NUMA1: variants seen among roughly 807,000 people sequenced by gnomAD.
NUMA1 encodes the protein SP-H antigen.
A neutral mutation model predicts 237.1 loss-of-function variants in NUMA1; 62 were observed. The ratio of observed to expected loss-of-function variants is 0.26; its 90% CI spans 0.21 to 0.32. The LOEUF is 0.32. NUMA1 is among the 10% of genes least tolerant of loss of function. The probability of loss-of-function intolerance (pLI) is 1.00; values close to 1 mark genes in which losing one functional copy is unlikely to be tolerated. For missense variants in NUMA1, 2,533 were observed against 2,666.5 expected, an observed-to-expected ratio of 0.95 and a Z score of 1.10; for synonymous variants, 1,028 against 1,066.1, an observed-to-expected ratio of 0.96 and a Z score of 0.70.
intron 1 of NUMA1, among the ~76,000 whole-genome samples, chr11:72,077,304 T>A (rs543513711): frequency 1.1e-4 from 16 of 152,224 alleles, no homozygotes; most frequent in African/African-American, 3.9e-4. Context: ...GAAAATTAAA[T>A]TCACACCATG....
At chr11:72,054,511 C>A (rs893828798) in intron 2 of NUMA1, among the ~76,000 whole-genome samples, 2 of 151,890 alleles carry the variant, frequency 1.3e-5, no homozygotes, top group Non-Finnish European at 2.9e-5. Flanking sequence ...AATTTCCATT[C>A]ATTTGAACAT....
intron 2 of NUMA1, chr11:72,065,054 C>G (rs546964588): frequency 6.6e-6 from 1 of 152,152 alleles, no homozygotes; most frequent in South Asian, 2.1e-4. Flanking sequence ...CTTTTACTTT[C>G]CCCCTTAACA....
At chr11:72,055,588 A>C (rs1942590628) in intron 2 of NUMA1, among the ~76,000 whole-genome samples, 1 of 152,144 alleles carries the variant, frequency 6.6e-6, no homozygotes, top group South Asian at 2.1e-4. Flanking sequence ...CTGTTTCTTG[A>C]TGTAGGTGCT....
intron 21 of NUMA1, among the ~76,000 whole-genome samples, chr11:72,006,558 G>C (rs1307032159): frequency 6.6e-6 from 1 of 152,196 alleles, no homozygotes; most frequent in Non-Finnish European, 1.5e-5. Flanking sequence ...GAAGTGCAAA[G>C]AAATAAAGTG....
chr11:72,058,377 TCATC>T (rs762244392), intron 2 of NUMA1, among the ~76,000 whole-genome samples: 33 of 151,948 alleles, frequency 2.2e-4, no homozygotes, highest in African/African-American at 8.0e-4. Context: ...GCAACTTATC[TCATC>T]TAACAATTTA....
At chr11:72,031,550 T>G (rs1474187811) in intron 3 of NUMA1, among the ~76,000 whole-genome samples, 1 of 152,114 alleles carries the variant, frequency 6.6e-6, no homozygotes, top group Non-Finnish European at 1.5e-5. Context: ...ATCCCAGCAC[T>G]TGGGGAGGCT....
chr11:72,079,803 GA>G (rs948591894), intron 1 of NUMA1, among the ~76,000 whole-genome samples: 2 of 149,436 alleles, frequency 1.3e-5, no homozygotes, highest in Non-Finnish European at 3.0e-5. Context: ...ACCACCCCAG[GA>G]AGTAGGTAAG....
chr11:72,056,652 A>AAAAAAAAAAAAAAAAAAAC lies in NUMA1; in HGVS notation c.-33+13189_-33+13190insGTTTTTTTTTTTTTTTTTT. Reference sequence around the variant, plus strand: ...CATCTCTTTAAAAAAAAAAAAAAAAAAAAAAAAAGGCAAGCCAAACTGATA... The same window carrying AAAAAAAAAAAAAAAAAAAC: ...CATCTCTTTAAAAAAAAAAAAAAAAAAAAAAAAAAAAAAAAAAACAAAAAAAAGGCAAGCCAAACTGATA... On this transcript the variant is annotated intron_variant, in intron 2 of 26. Transcript: ENST00000393695. Among the ~76,000 whole-genome samples the AAAAAAAAAAAAAAAAAAAC allele has an allele frequency of 2.0e-5, 3 of 149,946 alleles. 1 individual carries two copies. Among genetic ancestry groups the AAAAAAAAAAAAAAAAAAAC allele is most frequent in the Non-Finnish European group, 4.4e-5 (3 of 67,424 alleles).
chr11:72,004,139 C>T, intron 25 of NUMA1, 40 bp from the exon 26 acceptor site: 2 of 1,610,846 alleles, frequency 1.2e-6, no homozygotes, highest in Non-Finnish European at 1.7e-6. Context: ...CCCAATGCTG[C>T]CTTCCCAGGC....
intron 3 of NUMA1, among the ~76,000 whole-genome samples, chr11:72,031,416 T>G (rs887886044): frequency 2.6e-5 from 4 of 152,226 alleles, no homozygotes; most frequent in African/African-American, 9.6e-5. Flanking sequence ...CTGCATGCAC[T>G]ATAGAATTAA....
At chr11:72,003,838 G>A (rs1297172214) in intron 26 of NUMA1, 49 bp downstream of exon 26, 16 of 1,583,648 alleles carry the variant, frequency 1.0e-5, no homozygotes, top group East Asian at 2.2e-5. Context: ...TCTGGGGGGT[G>A]CCCATGCTCT....
chr11:72,027,679 A>G (rs1939759484), intron 4 of NUMA1, among the ~76,000 whole-genome samples: 1 of 152,240 alleles, frequency 6.6e-6, no homozygotes, highest in South Asian at 2.1e-4. Context: ...TCTACCTATT[A>G]GAAATGAATA....
In NUMA1 at chr11:72,071,879, A is replaced by G. The variant is rs1056589701; in HGVS notation, c.-102-1968T>C. 4.6e-5 allele frequency among the ~76,000 whole-genome samples: 7 copies of G among 152,294 alleles called. No individual in the cohort carries two copies. In the East Asian group the frequency reaches 1.3e-3, roughly 29 times the overall value. ...ATAGGTTTGAAAATTTTCAAAATAA[A>G]ATAATTTAGTAAGGAGGGAAATCCT... On this transcript the variant is annotated intron_variant, in intron 1 of 26. Coordinates refer to ENST00000393695, the MANE Select transcript of NUMA1 (RefSeq NM_006185.4).
rs544637166 is a variant in NUMA1, at chr11:72,006,219, G to A, written c.5508C>T (p.Tyr1836=). 2.8e-5 allele frequency: 45 copies of A among 1,614,198 alleles called. 1 individual carries two copies. In the South Asian group the frequency reaches 3.7e-4, roughly 13 times the overall value. The change falls in exon 22 of 27, where the codon TAC becomes TAT. Residue 1836 remains tyrosine (Y), a synonymous_variant. Transcript: ENST00000393695. ...EEPDSANSSF[Y]STRSAPASQA... is the part of the protein sequence containing the mutation. Reference sequence around the variant, plus strand: ...GGGAAGCAGGAGCAGACCGCGTGCTGTAGAACGATGAGTTGGCGCTGTCTG... The same window carrying A: ...GGGAAGCAGGAGCAGACCGCGTGCTATAGAACGATGAGTTGGCGCTGTCTG...
intron 20 of NUMA1, 139 bp from the exon 21 acceptor site, chr11:72,007,574 T>G: frequency 8.9e-7 from 1 of 1,122,334 alleles, no homozygotes. Flanking sequence ...TTTTCAGAGG[T>G]ACCAAGGAAA....
At chr11:72,004,132 A>C (rs1012108439) in intron 25 of NUMA1, 33 bp from the exon 26 acceptor site, 1 of 1,611,926 alleles carries the variant, frequency 6.2e-7, no homozygotes, top group Admixed American at 1.7e-5. Flanking sequence ...CGGGAGACCC[A>C]ATGCTGCCTT....
chr11:72,014,846 T>C lies in NUMA1; in HGVS notation c.2657A>G (p.Gln886Arg). 6.2e-7 allele frequency: 1 copy of C among 1,614,234 alleles called. No individual in the cohort carries two copies. Among genetic ancestry groups the C allele is most frequent in the Non-Finnish European group, 8.5e-7 (1 of 1,180,044 alleles). ...ELHANLARAL[Q>R]QVQEKEVRAQ... ...CCTGACTTCCTTCTCTTGGACCTGC[T>C]GGAGTGCTCTGGCCAGGTTGGCATG... Residue 886 changes from glutamine to arginine, a missense_variant, in exon 15 of 27, where the codon CAG (glutamine) becomes CGG (arginine). By Grantham distance (43) the Gln-to-Arg change is conservative (BLOSUM62 1). Around this residue, in one of 3 missense-constraint regions of NUMA1, gnomAD observed 1,414 missense variants for 1,508.1 expected, o/e 0.94. Transcript: ENST00000393695. This position sits in a 1 kb window ranked among gnomAD's most constrained non-coding sequence, Gnocchi z 4.6.
chr11:72,007,144 G>T, intron 21 of NUMA1, 45 bp downstream of exon 21: 1 of 1,596,282 alleles, frequency 6.3e-7, no homozygotes. Context: ...CCCTTGAGAG[G>T]AAGTGGGAAT....
In NUMA1 at chr11:72,013,971, G is replaced by A. The variant is rs772825492; in HGVS notation, c.3532C>T (p.Leu1178=). The change falls in exon 15 of 27, where the codon CTA becomes TTA. Residue 1178 remains leucine, a synonymous_variant. Transcript: ENST00000393695. This position sits in a 1 kb window ranked among gnomAD's most constrained non-coding sequence, Gnocchi z 6.8. ...GCTAAGGCACTCTGACTGTGCCCTA[G>A]CTCCTGGGCCTTCTCCTCTAACTGG... ...QGQLEEKAQE[L]GHSQSALASA... The A allele has an allele frequency of 6.2e-7, 1 of 1,613,374 alleles. No homozygotes were observed. The highest frequency in any genetic ancestry group is 8.5e-7 in the Non-Finnish European group (1 of 1,179,996).
Sources: gnomAD v4.1 joint callset for allele counts (sites outside exome capture counted in the v4.1 genomes callset) on GRCh38, gnomAD v4.1.1 for gene constraint, gnomAD v4.1.1 regional missense constraint, Gnocchi (gnomAD v3.1) non-coding constraint, MANE v1.5 for transcripts, NCBI Gene and HGNC (gene_info 2026-07-23, HGNC 2026-07-21) for gene names.